GPC6: variants seen among roughly 807,000 people sequenced by gnomAD.
The protein encoded by GPC6 is glypican-6.
In GPC6, 14 loss-of-function variants were observed where a neutral mutation model predicts 55.2. The observed-to-expected ratio is 0.25, with a 90% CI of 0.17 to 0.40. The LOEUF (loss-of-function observed/expected upper bound fraction) is 0.40, where lower values mean the gene tolerates loss of function less well. Ranked by LOEUF, GPC6 falls within the 10% of genes least tolerant of loss-of-function variation. The pLI is 1.00. For synonymous variants in GPC6, 278 were observed against 259.6 expected (o/e 1.07, Z -0.68); for missense variants, 641 against 708.5 (o/e 0.90, Z 1.08).
chr13:93,932,282 C>T (rs1030495175), intron 3 of GPC6, among the ~76,000 whole-genome samples: 38 of 152,076 alleles, frequency 2.5e-4, no homozygotes, highest in African/African-American at 9.2e-4. Flanking sequence ...ATAGGCTAGT[C>T]AAAATAATTA....
chr13:94,379,329 C>A (rs973778345), intron 6 of GPC6, among the ~76,000 whole-genome samples: 1 of 152,156 alleles, frequency 6.6e-6, no homozygotes, highest in East Asian at 1.9e-4. Context: ...TGTTTCCGTG[C>A]AGAATGTTAA....
chr13:93,547,205 G>T (rs933058426), intron 2 of GPC6, among the ~76,000 whole-genome samples: 1 of 151,736 alleles, frequency 6.6e-6, no homozygotes, highest in South Asian at 2.1e-4. Flanking sequence ...AATTAGCTGG[G>T]CGTGGTGCCA....
intron 3 of GPC6, among the ~76,000 whole-genome samples, chr13:93,910,512 G>C (rs1337834): frequency 0.045 from 6,910 of 152,122 alleles, 455 homozygotes; most frequent in African/African-American, 0.14. Flanking sequence ...GGGAGTGATT[G>C]AGAGATAGAT....
intron 1 of GPC6, among the ~76,000 whole-genome samples, chr13:93,243,186 C>A (rs1876492949): frequency 6.6e-6 from 1 of 152,202 alleles, no homozygotes; most frequent in Admixed American, 6.5e-5. Flanking sequence ...AGCATTCCCA[C>A]CTACCCTTTC....
In GPC6 at chr13:93,586,900, A is replaced by G. The variant is rs538244679; in HGVS notation, c.319+41479A>G. ...GTGAAATAGACATATATTCGTGTAT[A>G]TGTTTCATGGTGAAATGTTTCAGGG... On this transcript the variant is annotated intron_variant, in intron 2 of 8. Coordinates refer to ENST00000377047, the MANE Select transcript of GPC6 (RefSeq NM_005708.5). Among the ~76,000 whole-genome samples, 268 of 152,284 alleles carry G rather than the reference A, an allele frequency of 1.8e-3. 1 individual carries two copies. The highest frequency in any genetic ancestry group is 6.3e-3 in the African/African-American group (262 of 41,564).
At chr13:93,324,637 A>G (rs1879587040) in intron 1 of GPC6, among the ~76,000 whole-genome samples, 1 of 142,048 alleles carries the variant, frequency 7.0e-6, no homozygotes, top group African/African-American at 2.8e-5. Flanking sequence ...CCTAGACAAC[A>G]AAATATGTAC....
intron 4 of GPC6, among the ~76,000 whole-genome samples, chr13:94,219,259 G>A (rs182720519): frequency 1.9e-3 from 283 of 152,246 alleles, no homozygotes; most frequent in Non-Finnish European, 3.5e-3. Context: ...ACCCTGATCT[G>A]CTATTTCCTC....
chr13:93,911,711 A>G (rs1271205333), intron 3 of GPC6, among the ~76,000 whole-genome samples: 1 of 152,146 alleles, frequency 6.6e-6, no homozygotes, highest in Non-Finnish European at 1.5e-5. Flanking sequence ...AACCATTATG[A>G]CTGTTTCCCC....
upstream of GPC6, among the ~76,000 whole-genome samples, chr13:93,223,286 T>A (rs557180294): frequency 6.6e-6 from 1 of 152,108 alleles, no homozygotes; most frequent in Admixed American, 6.5e-5. Flanking sequence ...CAACTGAAAG[T>A]CTCTGAGGTT....
At chr13:93,981,674 G>A (rs1566633130) in intron 3 of GPC6, among the ~76,000 whole-genome samples, 2 of 151,938 alleles carry the variant, frequency 1.3e-5, no homozygotes, top group Non-Finnish European at 2.9e-5. Context: ...TTTCTTTCCT[G>A]TATCTCTGTG....
chr13:93,448,285 T>C (rs1263067596), intron 1 of GPC6, among the ~76,000 whole-genome samples: 1 of 152,216 alleles, frequency 6.6e-6, no homozygotes, highest in East Asian at 1.9e-4. Context: ...CCTTACATTA[T>C]TCAATAGAAT....
At position 94,271,384 on chromosome 13, in the gene GPC6, A is replaced by ACACACACACACACGCGCGCGCGCGCGCG. The variant is rs1892017994; in HGVS notation, c.878-14952_878-14951insGCGCGCGCGCGCGCGCACACACACACAC. 6.0e-5 allele frequency among the ~76,000 whole-genome samples: 5 copies of ACACACACACACACGCGCGCGCGCGCGCG among 83,744 alleles called. No homozygotes were observed. In the South Asian group the frequency reaches 1.8e-3, roughly 31 times the overall value. The allele number at this position is 83,744 out of a possible 152,430, so 54.9% of individuals were successfully genotyped here. ...CACACACACGCGCGCGCGCGCGCGC[A>ACACACACACACACGCGCGCGCGCGCGCG]CACACACACACACACACACACACAC... On this transcript the variant is annotated intron_variant, in intron 4 of 8. Coordinates refer to ENST00000377047, the MANE Select transcript of GPC6 (RefSeq NM_005708.5).
At chr13:93,773,081 T>A (rs1271108771) in intron 2 of GPC6, among the ~76,000 whole-genome samples, 1 of 152,138 alleles carries the variant, frequency 6.6e-6, no homozygotes, top group East Asian at 1.9e-4. Flanking sequence ...AAGGCACTTC[T>A]GTTAAGAATT....
At chr13:93,862,438 T>C (rs1428592849) in intron 3 of GPC6, among the ~76,000 whole-genome samples, 1 of 151,498 alleles carries the variant, frequency 6.6e-6, no homozygotes, top group African/African-American at 2.4e-5. Context: ...TGGAAAGGCT[T>C]TTAAGTATTG....
At chr13:93,498,008 GA>G (rs1880373333) in intron 1 of GPC6, among the ~76,000 whole-genome samples, 2 of 152,308 alleles carry the variant, frequency 1.3e-5, no homozygotes, top group South Asian at 4.1e-4. Context: ...TAGAAAGAAG[GA>G]TGTCATCTTC....
rs9589835 is a variant in GPC6 at position 93,793,324 on chromosome 13, G to C, written c.320-36830G>C. 8.1e-3 allele frequency among the ~76,000 whole-genome samples: 1,234 copies of C among 152,284 alleles called. 27 individuals carry two copies. Among genetic ancestry groups the C allele is most frequent in the African/African-American group, 0.029 (1,189 of 41,548 alleles). On this transcript the variant is annotated intron_variant, in intron 2 of 8. Transcript: ENST00000377047. ...CGGTTTTCCACTCTCTGCTTCAGTTGAGAAATCCTGCTGAGAAAGACTGTG... is the reference window on the plus strand; with the variant it reads ...CGGTTTTCCACTCTCTGCTTCAGTTCAGAAATCCTGCTGAGAAAGACTGTG...
chr13:93,432,500 T>C (rs755593716), intron 1 of GPC6, among the ~76,000 whole-genome samples: 2 of 152,144 alleles, frequency 1.3e-5, no homozygotes, highest in Admixed American at 6.6e-5. Flanking sequence ...TGGTTTTGTG[T>C]AGTGTATAAA....
Position 93,871,605 on chromosome 13 carries a change from G to A in GPC6, c.711+41060G>A, listed in dbSNP as rs374757335. 4.6e-5 allele frequency among the ~76,000 whole-genome samples: 7 copies of A among 151,920 alleles called. No individual in the cohort carries two copies. In the East Asian group the frequency reaches 5.9e-4, roughly 13 times the overall value. ...AGACACATTTTGTCTTTTTTCCAAC[G>A]TCTCTCATGTATCAAAACAGATTGG... On this transcript the variant is annotated intron_variant, in intron 3 of 8. Transcript: ENST00000377047.
At chr13:93,693,466 T>TGTGTGTGTGTGG (rs1882335227) in intron 2 of GPC6, among the ~76,000 whole-genome samples, 1 of 128,418 alleles carries the variant, frequency 7.8e-6, no homozygotes, top group African/African-American at 4.2e-5. Context: ...TATATCTGTG[T>TGTGTGTGTGTGG]GTGTGTGTGT....
Sources: gnomAD v4.1 joint callset for allele counts (sites outside exome capture counted in the v4.1 genomes callset) on GRCh38, gnomAD v4.1.1 for gene constraint, MANE v1.5 for transcripts, NCBI Gene and HGNC (gene_info 2026-07-23, HGNC 2026-07-21) for gene names.